The following FBXO4 variants were observed in gnomAD, a reference collection of about 807,000 sequenced individuals.
The protein encoded by FBXO4 is F-box only protein 4.
FBXO4 carries 36 observed loss-of-function variants against 43.7 expected under a neutral mutation model. The observed-to-expected ratio is 0.82, with a 90% CI of 0.63 to 1.09. FBXO4 has a LOEUF of 1.09. FBXO4 is among the 50% of genes least tolerant of loss of function. The pLI is 0.00. For missense variants in FBXO4, 435 were observed against 474.1 expected (o/e 0.92, Z 0.77); for synonymous variants, 180 against 165.6 (o/e 1.09, Z -0.67).
chr5:41,957,523 A>G, the FBXO4 span, among the ~76,000 whole-genome samples: 1 of 150,186 alleles, frequency 6.7e-6, no homozygotes, highest in African/African-American at 2.4e-5. Context: ...TATGCTGAAT[A>G]TTTAGCATAA....
At chr5:42,022,962 A>G in the FBXO4 span, among the ~76,000 whole-genome samples, 9 of 152,224 alleles carry the variant, frequency 5.9e-5, no homozygotes, top group South Asian at 1.9e-3. Flanking sequence ...AGGGTTTAAA[A>G]AAAATGAAAT....
chr5:41,985,242 C>G, the FBXO4 span, among the ~76,000 whole-genome samples: 1 of 152,094 alleles, frequency 6.6e-6, no homozygotes, highest in East Asian at 1.9e-4. Flanking sequence ...TGCATAATTC[C>G]CTTCATATTC....
the FBXO4 span, among the ~76,000 whole-genome samples, chr5:42,029,928 T>C: frequency 6.6e-6 from 1 of 152,068 alleles, no homozygotes; most frequent in African/African-American, 2.4e-5. Context: ...AAAGGAGAAC[T>C]ACAAACCACT....
the FBXO4 span, among the ~76,000 whole-genome samples, chr5:42,030,261 A>G: frequency 2.6e-5 from 4 of 152,218 alleles, no homozygotes; most frequent in African/African-American, 9.7e-5. Flanking sequence ...AAACAGAGAT[A>G]TAGACCAATG....
At position 41,925,400 on chromosome 5, in the gene FBXO4, T is replaced by C; in HGVS notation, c.91T>C (p.Trp31Arg). Residue 31 changes from tryptophan to arginine, a missense_variant, in exon 1 of 7, where the codon TGG becomes CGG. Trp to Arg is a moderately radical substitution (Grantham distance 101, BLOSUM62 -3). Coordinates refer to ENST00000281623, the MANE Select transcript of FBXO4 (RefSeq NM_012176.3). Reference protein sequence around the residue: ...GRLEAAILSGWKTFWQSVSKE... With the variant: ...GRLEAAILSGRKTFWQSVSKE... The stretch of plus-strand genomic sequence containing the variant: ...CCTGGAGGCGGCCATCCTCAGCGGC[T>C]GGAAGACCTTCTGGCAGTCAGTGAG... 1 of 1,384,664 alleles carries C rather than the reference T, an allele frequency of 7.2e-7. No individual in the cohort carries two copies. Among genetic ancestry groups the C allele is most frequent in the Non-Finnish European group, 9.4e-7 (1 of 1,064,558 alleles). The allele number at this position is 1,384,664 out of a possible 1,614,324, so 85.8% of individuals were successfully genotyped here.
the FBXO4 span, among the ~76,000 whole-genome samples, chr5:42,010,880 T>G: frequency 1.3e-5 from 2 of 151,962 alleles, no homozygotes; most frequent in Admixed American, 1.3e-4. Flanking sequence ...TTCTTTTTCT[T>G]TTTTTTTAAA....
At chr5:41,940,524 A>C (rs1302819756) in intron 6 of FBXO4, among the ~76,000 whole-genome samples, 1 of 152,202 alleles carries the variant, frequency 6.6e-6, no homozygotes, top group Non-Finnish European at 1.5e-5. Context: ...GGCTTCCCAA[A>C]GTGCTGGGAT....
the FBXO4 span, among the ~76,000 whole-genome samples, chr5:41,992,741 C>G: frequency 2.6e-5 from 4 of 152,082 alleles, no homozygotes; most frequent in Non-Finnish European, 5.9e-5. Context: ...AATTTGCTTG[C>G]AATTGATTGG....
At chr5:41,955,131 G>A in the FBXO4 span, among the ~76,000 whole-genome samples, 2 of 152,172 alleles carry the variant, frequency 1.3e-5, no homozygotes, top group Non-Finnish European at 2.9e-5. Context: ...AAGTACATGT[G>A]TACAGTCAAT....
At chr5:42,003,435 G>C in the FBXO4 span, among the ~76,000 whole-genome samples, 5 of 152,262 alleles carry the variant, frequency 3.3e-5, no homozygotes, top group African/African-American at 9.6e-5. Context: ...TGTTGGCTTG[G>C]TAAAAATGAT....
chr5:41,965,345 T>G, the FBXO4 span, among the ~76,000 whole-genome samples: 1 of 152,196 alleles, frequency 6.6e-6, no homozygotes, highest in South Asian at 2.1e-4. Flanking sequence ...TCTTTTGGCT[T>G]AGGATTGACT....
rs1409113055 is a variant in FBXO4, at chr5:41,929,912, T to C, written c.641T>C (p.Ile214Thr). 1.2e-6 allele frequency: 2 copies of C among 1,604,028 alleles called. No homozygotes were observed. Among genetic ancestry groups the C allele is most frequent in the East Asian group, 2.2e-5 (1 of 44,822 alleles). Residue 214 changes from isoleucine (I) to threonine (T), a missense_variant, in exon 3 of 7, where the codon ATT becomes ACT. By Grantham distance (89) the Ile-to-Thr change is moderately conservative. Transcript: ENST00000281623. ...CPTAGLPQRQ[I>T]DGIGSGVNFQ... The stretch of plus-strand genomic sequence containing the variant: ...ACAGCTGGTTTGCCTCAGAGGCAGA[T>C]TGATGGTAATTTTCATGTTAATCTA...
chr5:41,959,789 G>A, the FBXO4 span, among the ~76,000 whole-genome samples: 4 of 152,092 alleles, frequency 2.6e-5, no homozygotes, highest in Non-Finnish European at 5.9e-5. Flanking sequence ...TTGAAATAAG[G>A]TAGTGTGATG....
the FBXO4 span, among the ~76,000 whole-genome samples, chr5:41,950,570 C>T: frequency 2.0e-5 from 3 of 152,268 alleles, no homozygotes; most frequent in South Asian, 4.1e-4. Context: ...ACAACAGATT[C>T]TAGAGAGGAT....
chr5:42,025,087 A>T, the FBXO4 span, among the ~76,000 whole-genome samples: 1 of 151,364 alleles, frequency 6.6e-6, no homozygotes, highest in African/African-American at 2.4e-5. Context: ...TTGCTGGATC[A>T]TATGGTAGCT....
intron 3 of FBXO4, among the ~76,000 whole-genome samples, chr5:41,933,387 T>C (rs910236594): frequency 3.3e-5 from 5 of 152,120 alleles, no homozygotes; most frequent in African/African-American, 4.8e-5. Context: ...GATAATTGTT[T>C]TGTATTTTTT....
the FBXO4 span, among the ~76,000 whole-genome samples, chr5:42,006,036 C>T: frequency 6.6e-6 from 1 of 152,038 alleles, no homozygotes; most frequent in Non-Finnish European, 1.5e-5. Context: ...ATGTTTGGCT[C>T]TTTTGTATTT....
chr5:42,012,561 C>T, the FBXO4 span, among the ~76,000 whole-genome samples: 2 of 152,086 alleles, frequency 1.3e-5, no homozygotes, highest in African/African-American at 4.8e-5. Context: ...TTTTTGATAG[C>T]AAATTAGGAC....
chr5:41,947,142 A>C, the FBXO4 span, among the ~76,000 whole-genome samples: 30 of 152,356 alleles, frequency 2.0e-4, 1 homozygote, highest in African/African-American at 7.2e-4. Context: ...TAAGACAGGG[A>C]TATTTCCTCC....
Sources: gnomAD v4.1 joint callset for allele counts (sites outside exome capture counted in the v4.1 genomes callset) on GRCh38, gnomAD v4.1.1 for gene constraint, MANE v1.5 for transcripts, NCBI Gene and HGNC (gene_info 2026-07-23, HGNC 2026-07-21) for gene names.